VWC2L: variants seen among roughly 807,000 people sequenced by gnomAD.
VWC2L encodes von Willebrand factor C domain containing 2 like.
A neutral mutation model predicts 21.6 loss-of-function variants in VWC2L; 10 were observed. That is an observed-to-expected ratio of 0.46 (90% CI 0.29 to 0.78). The LOEUF (loss-of-function observed/expected upper bound fraction) is 0.78. Among genes scored for constraint, VWC2L ranks in the 30% least tolerant of loss-of-function variants. The pLI is 0.10. For missense variants in VWC2L, 209 were observed against 277.1 expected, an observed-to-expected ratio of 0.75 and a Z score of 1.74; for synonymous variants, 96 against 94.3, an observed-to-expected ratio of 1.02 and a Z score of -0.10.
rs367947169 is a variant in VWC2L at position 214,575,803 on chromosome 2, G to C, written c.652G>C (p.Gly218Arg). The C allele has an allele frequency of 1.9e-6, 3 of 1,613,194 alleles. No individual in the cohort carries two copies. The highest frequency in any genetic ancestry group is 2.5e-6 in the Non-Finnish European group (3 of 1,179,414). The change falls in exon 4 of 4, where the codon GGC (glycine) becomes CGC (arginine). Residue 218 changes from glycine (G) to arginine (R), a missense_variant. By Grantham distance (125) the Gly-to-Arg change is moderately radical. Transcript: ENST00000312504. The part of the protein sequence containing the change: ...PAQCSKRECQ[G>R]KQTV ...TCAGTGTTCGAAACGTGAATGCCAA[G>C]GCAAGCAGACTGTGTAGGACAAACT...
At chr2:214,558,668 T>A (rs1333491804) in intron 3 of VWC2L, among the ~76,000 whole-genome samples, 2 of 152,144 alleles carry the variant, frequency 1.3e-5, no homozygotes, top group Non-Finnish European at 2.9e-5. Context: ...TTGATTCAAT[T>A]ATTCTACTTC....
At chr2:214,438,750 A>C (rs1294291298) in intron 3 of VWC2L, among the ~76,000 whole-genome samples, 4 of 152,064 alleles carry the variant, frequency 2.6e-5, no homozygotes, top group Non-Finnish European at 4.4e-5. Flanking sequence ...ACCATGTCAG[A>C]GTAGAAATTT....
At chr2:214,472,484 T>C (rs1204308198) in intron 3 of VWC2L, among the ~76,000 whole-genome samples, 1 of 152,188 alleles carries the variant, frequency 6.6e-6, no homozygotes, top group East Asian at 1.9e-4. Flanking sequence ...AAGTGACAAA[T>C]ACATAATGGA....
chr2:214,441,856 T>C (rs1323764440), intron 3 of VWC2L, among the ~76,000 whole-genome samples: 3 of 151,544 alleles, frequency 2.0e-5, no homozygotes, highest in African/African-American at 7.3e-5. Context: ...TTATGTTATA[T>C]AATTTAAAAT....
intron 3 of VWC2L, among the ~76,000 whole-genome samples, chr2:214,495,530 C>T (rs1482722336): frequency 1.3e-5 from 2 of 152,104 alleles, no homozygotes; most frequent in African/African-American, 4.8e-5. Context: ...ACTTAGGAAC[C>T]ACTGGCAGAG....
intron 3 of VWC2L, among the ~76,000 whole-genome samples, chr2:214,494,032 T>C (rs1688779257): frequency 6.6e-6 from 1 of 152,208 alleles, no homozygotes; most frequent in South Asian, 2.1e-4. Context: ...CAAAATTCTG[T>C]AATACTATTC....
chr2:214,574,528 G>A (rs868451355), intron 3 of VWC2L, among the ~76,000 whole-genome samples: 1 of 152,116 alleles, frequency 6.6e-6, no homozygotes, highest in Non-Finnish European at 1.5e-5. Flanking sequence ...GCTTATCAAG[G>A]GGGTAAGAAA....
Position 214,516,799 on chromosome 2 carries a change from G to T in VWC2L, c.521-58873G>T, listed in dbSNP as rs188310751. ...CATGTAGACTTACGTTTGGTCCCAG[G>T]TCTAGCAACTATGAGCCCTGTGATC... On this transcript the variant is annotated intron_variant, in intron 3 of 3. Coordinates refer to ENST00000312504, the MANE Select transcript of VWC2L (RefSeq NM_001080500.4). 1.6e-4 allele frequency among the ~76,000 whole-genome samples: 24 copies of T among 151,784 alleles called. No individual in the cohort carries two copies. The East Asian group carries it at 4.6e-3, about 29-fold the overall frequency.
intron 3 of VWC2L, among the ~76,000 whole-genome samples, chr2:214,572,671 G>T (rs1012111804): frequency 6.6e-6 from 1 of 152,188 alleles, no homozygotes; most frequent in Non-Finnish European, 1.5e-5. Flanking sequence ...ATTTTAAATA[G>T]TGCCAACCAT....
chr2:214,475,083 G>A (rs940600717), intron 3 of VWC2L, among the ~76,000 whole-genome samples: 4 of 152,192 alleles, frequency 2.6e-5, no homozygotes, highest in Admixed American at 6.5e-5. Flanking sequence ...TACTCAGCAC[G>A]CTACTTTCCT....
chr2:214,429,747 T>C (rs1238339409), intron 2 of VWC2L, among the ~76,000 whole-genome samples: 2 of 152,108 alleles, frequency 1.3e-5, no homozygotes, highest in Admixed American at 6.5e-5. Context: ...AGGCAGAAAA[T>C]TATAGGGTTA....
intron 3 of VWC2L, among the ~76,000 whole-genome samples, chr2:214,520,674 G>A (rs566220185): frequency 6.6e-6 from 1 of 152,270 alleles, no homozygotes; most frequent in South Asian, 2.1e-4. Flanking sequence ...CCAGCATCAA[G>A]TGTTATCTTT....
intron 3 of VWC2L, among the ~76,000 whole-genome samples, chr2:214,572,081 C>T (rs1398326796): frequency 6.6e-6 from 1 of 152,156 alleles, no homozygotes; most frequent in Non-Finnish European, 1.5e-5. Context: ...CACAACCAGC[C>T]TACCTCCTAT....
intron 3 of VWC2L, among the ~76,000 whole-genome samples, chr2:214,549,258 C>T (rs949549159): frequency 7.9e-5 from 12 of 152,206 alleles, no homozygotes; most frequent in Admixed American, 6.5e-4. Context: ...CTCGCTTTTA[C>T]CATGTAAGGT....
intron 3 of VWC2L, among the ~76,000 whole-genome samples, chr2:214,471,995 G>T (rs1350761142): frequency 2.0e-5 from 3 of 152,038 alleles, no homozygotes; most frequent in South Asian, 2.1e-4. Flanking sequence ...TTTCTCATTT[G>T]TCTCTTCTGC....
Position 214,531,369 on chromosome 2 carries a change from T to A in VWC2L, c.521-44303T>A, listed in dbSNP as rs945050555. ...ATTACTTGGAAGTAACAAATGCTTT[T>A]TAGATGAAGTTATTTCTTCCTTAGT... On this transcript the variant is annotated intron_variant, in intron 3 of 3. Transcript: ENST00000312504. Among the ~76,000 whole-genome samples the A allele has an allele frequency of 8.0e-4, 122 of 152,202 alleles. 1 individual carries two copies. The highest frequency in any genetic ancestry group is 2.8e-3 in the African/African-American group (114 of 41,438).
At chr2:214,570,496 T>C (rs1043614928) in intron 3 of VWC2L, among the ~76,000 whole-genome samples, 2 of 152,112 alleles carry the variant, frequency 1.3e-5, no homozygotes, top group Non-Finnish European at 2.9e-5. Flanking sequence ...CCCAAGTAGC[T>C]GGGACTGCAG....
chr2:214,425,332 G>T (rs754991932), intron 2 of VWC2L, among the ~76,000 whole-genome samples: 2 of 152,042 alleles, frequency 1.3e-5, no homozygotes, highest in Non-Finnish European at 2.9e-5. Flanking sequence ...TTTCACACAA[G>T]TAAATTTCAA....
At chr2:214,447,544 G>A (rs369741625) in intron 3 of VWC2L, among the ~76,000 whole-genome samples, 12 of 152,182 alleles carry the variant, frequency 7.9e-5, no homozygotes, top group East Asian at 1.9e-4. Flanking sequence ...AGAGCCAACC[G>A]CGCCCTACCA....
Sources: allele counts gnomAD v4.1 joint callset (sites outside exome capture counted in the v4.1 genomes callset), GRCh38; gene constraint gnomAD v4.1.1; transcripts MANE v1.5; gene names NCBI Gene and HGNC (gene_info 2026-07-23, HGNC 2026-07-21).